The following SV2C variants were observed in gnomAD, a reference collection of about 807,000 sequenced individuals.
The protein encoded by SV2C is solute carrier family 22 member B3.
A neutral mutation model predicts 79.7 loss-of-function variants in SV2C; 49 were observed. That is an observed-to-expected ratio of 0.61 (90% CI 0.49 to 0.78). The LOEUF is 0.78. Ranked by LOEUF, SV2C falls within the 30% of genes least tolerant of loss-of-function variation. The pLI, the probability that SV2C is intolerant of heterozygous loss-of-function variation, is 0.00. For missense variants in SV2C, 833 were observed against 912.9 expected, an observed-to-expected ratio of 0.91 and a Z score of 1.13; for synonymous variants, 334 against 333.2, an observed-to-expected ratio of 1.00 and a Z score of -0.03.
At chr5:76,053,654 T>C in the SV2C span, among the ~76,000 whole-genome samples, 4 of 152,160 alleles carry the variant, frequency 2.6e-5, no homozygotes, top group Non-Finnish European at 4.4e-5. Context: ...ATGGTGTTTT[T>C]TGTTTGGATT....
chr5:76,137,699 C>A (rs1459822926), intron 2 of SV2C, among the ~76,000 whole-genome samples: 1 of 152,078 alleles, frequency 6.6e-6, no homozygotes. Flanking sequence ...TTAAAAAAAT[C>A]ATATTACAAT....
chr5:76,150,544 A>C (rs1008871137), intron 2 of SV2C, among the ~76,000 whole-genome samples: 1 of 150,760 alleles, frequency 6.6e-6, no homozygotes, highest in Non-Finnish European at 1.5e-5. Flanking sequence ...TTTGTGGAAT[A>C]TCACCTTTCA....
the SV2C span, among the ~76,000 whole-genome samples, chr5:76,039,613 G>A: frequency 5.9e-5 from 9 of 151,900 alleles, no homozygotes; most frequent in Admixed American, 2.0e-4. Flanking sequence ...AAAATTAACC[G>A]GGCATGGTGG....
chr5:75,920,952 C>A, the SV2C span: 1 of 721,454 alleles, frequency 1.4e-6, no homozygotes, highest in Non-Finnish European at 2.5e-6. Context: ...GTGATGATGG[C>A]CCGGCCCCTG....
At chr5:76,014,060 G>A in the SV2C span, among the ~76,000 whole-genome samples, 1 of 151,602 alleles carries the variant, frequency 6.6e-6, no homozygotes, top group Non-Finnish European at 1.5e-5. Flanking sequence ...ATGCCACTGG[G>A]GGCCTGCAAA....
chr5:76,177,801 A>G (rs977708350), intron 2 of SV2C, among the ~76,000 whole-genome samples: 1 of 123,820 alleles, frequency 8.1e-6, no homozygotes. Context: ...GAGGTCACTC[A>G]GTGGTATTTT....
chr5:76,298,895 G>T lies in SV2C; in HGVS notation c.1604G>T (p.Cys535Phe). 1 of 1,613,892 alleles carries T rather than the reference G, an allele frequency of 6.2e-7. No homozygotes were observed. The change falls in exon 10 of 13, where the codon TGC becomes TTC. Residue 535 changes from cysteine (C) to phenylalanine (F), a missense_variant. Physicochemically the swap from Cys to Phe is radical, Grantham distance 205 (BLOSUM62 -2). Coordinates refer to ENST00000502798, the MANE Select transcript of SV2C (RefSeq NM_014979.4). Reference protein sequence around the residue: ...VTSVNTYFKNCTFIDTVFDNT... With the variant: ...VTSVNTYFKNFTFIDTVFDNT... ...TCAGTGAACACCTACTTCAAGAACT[G>T]CACATTTATTGACACTGTTTTTGAC... is the stretch of plus-strand genomic sequence containing the variant.
At chr5:75,853,098 A>G in the SV2C span, among the ~76,000 whole-genome samples, 2 of 152,232 alleles carry the variant, frequency 1.3e-5, no homozygotes, top group Non-Finnish European at 2.9e-5. Context: ...TCTTAATGCT[A>G]TATGTGAAGA....
At position 76,261,104 on chromosome 5, in the gene SV2C, C is replaced by A. The variant is rs543455725; in HGVS notation, c.914-24058C>A. On this transcript the variant is annotated intron_variant, in intron 4 of 12. Coordinates refer to ENST00000502798, the MANE Select transcript of SV2C (RefSeq NM_014979.4). Reference sequence around the variant, plus strand: ...GGATTGTTTTCCATTTGTTTGTGTCCTCTCTTATTTCCTTGAGCAATGGTT... The same window carrying A: ...GGATTGTTTTCCATTTGTTTGTGTCATCTCTTATTTCCTTGAGCAATGGTT... Among the ~76,000 whole-genome samples the A allele has an allele frequency of 7.4e-4, 113 of 152,208 alleles. 4 individuals carry two copies. Among genetic ancestry groups the A allele is most frequent in the Admixed American group, 7.4e-3 (113 of 15,286 alleles).
intron 1 of SV2C, among the ~76,000 whole-genome samples, chr5:76,106,636 A>G (rs1181766348): frequency 6.6e-6 from 1 of 152,040 alleles, no homozygotes; most frequent in South Asian, 2.1e-4. Context: ...CCCCTGACTC[A>G]GGGATTTTGT....
the SV2C span, among the ~76,000 whole-genome samples, chr5:75,872,220 A>G: frequency 4.4e-3 from 673 of 151,386 alleles, 3 homozygotes; most frequent in African/African-American, 0.015. Flanking sequence ...GGCCAATATG[A>G]GAAAAATTGC....
Position 76,291,780 on chromosome 5 carries a change from T to A in SV2C, c.1261T>A (p.Phe421Ile), listed in dbSNP as rs769028669. The change falls in exon 8 of 13, where the codon TTT (phenylalanine) becomes ATT (isoleucine). Residue 421 changes from phenylalanine (F) to isoleucine (I), a missense_variant. By Grantham distance (21) the Phe-to-Ile change is conservative. Transcript: ENST00000502798. ...RTELYGIWLTFMRCFNYPVRD... is the reference protein window; with the variant it reads ...RTELYGIWLTIMRCFNYPVRD... Reference sequence around the variant, plus strand: ...TAATATTTCACAGATTTGGTTGACTTTTATGAGATGTTTCAACTACCCAGT... The same window carrying A: ...TAATATTTCACAGATTTGGTTGACTATTATGAGATGTTTCAACTACCCAGT... 1.2e-6 allele frequency: 2 copies of A among 1,609,074 alleles called. No homozygotes were observed. The highest frequency in any genetic ancestry group is 4.5e-5 in the East Asian group (2 of 44,854).
At chr5:75,884,991 A>G in the SV2C span, among the ~76,000 whole-genome samples, 1 of 152,150 alleles carries the variant, frequency 6.6e-6, no homozygotes, top group African/African-American at 2.4e-5. Flanking sequence ...AAGAAACAAC[A>G]ATAGAATAAA....
At chr5:75,972,588 A>G in the SV2C span, among the ~76,000 whole-genome samples, 1 of 152,194 alleles carries the variant, frequency 6.6e-6, no homozygotes, top group Non-Finnish European at 1.5e-5. Context: ...GCTCACCATC[A>G]CTGGCCATCA....
the SV2C span, among the ~76,000 whole-genome samples, chr5:76,035,333 T>C: frequency 3.3e-5 from 5 of 152,282 alleles, no homozygotes; most frequent in Admixed American, 1.3e-4. Context: ...GTTCTTTTAA[T>C]TGTGATGTTA....
At chr5:76,102,989 C>T (rs982560090) in intron 1 of SV2C, among the ~76,000 whole-genome samples, 15 of 152,054 alleles carry the variant, frequency 9.9e-5, no homozygotes, top group African/African-American at 2.9e-4. Context: ...TTCTATTGGA[C>T]GTTGACAAAG....
At chr5:76,313,607 A>G (rs1333350693) in intron 12 of SV2C, among the ~76,000 whole-genome samples, 2 of 152,166 alleles carry the variant, frequency 1.3e-5, no homozygotes, top group Non-Finnish European at 2.9e-5. Context: ...CTTGCATGAA[A>G]GGGCCATGTG....
At chr5:76,269,564 C>T (rs1746777303) in intron 4 of SV2C, among the ~76,000 whole-genome samples, 1 of 152,192 alleles carries the variant, frequency 6.6e-6, no homozygotes, top group East Asian at 1.9e-4. Flanking sequence ...ATCCACTTTA[C>T]CCGTGTCCCT....
chr5:76,278,657 A>T lies in SV2C; in HGVS notation c.914-6505A>T, dbSNP rs555558311. ...TGGGATTAAGCTCTATGTTCAGAGAACTGGAAGCAGGTCCATGGGACTGGC... is the reference window on the plus strand; with the variant it reads ...TGGGATTAAGCTCTATGTTCAGAGATCTGGAAGCAGGTCCATGGGACTGGC... On this transcript the variant is annotated intron_variant, in intron 4 of 12. Coordinates refer to ENST00000502798, the MANE Select transcript of SV2C (RefSeq NM_014979.4). Among the ~76,000 whole-genome samples, 117 of 152,356 alleles carry T rather than the reference A, an allele frequency of 7.7e-4. 3 individuals carry two copies. In the South Asian group the frequency reaches 0.023, roughly 30 times the overall value.
Sources: gnomAD v4.1 joint callset for allele counts (sites outside exome capture counted in the v4.1 genomes callset) on GRCh38, gnomAD v4.1.1 for gene constraint, MANE v1.5 for transcripts, NCBI Gene and HGNC (gene_info 2026-07-23, HGNC 2026-07-21) for gene names.